Variants in APOD observed in about 807,000 individuals in gnomAD.
APOD encodes the protein apo-D.
In APOD, 22 loss-of-function variants were observed where a neutral mutation model predicts 20.4. The observed-to-expected ratio is 1.08, with a 90% CI of 0.77 to 1.54. The LOEUF (loss-of-function observed/expected upper bound fraction) is 1.54, where lower values mean the gene tolerates loss of function less well. Ranked by LOEUF, APOD falls within the 40% of genes most tolerant of loss-of-function variation. The pLI is 0.00. For missense variants in APOD, 223 were observed against 229.6 expected, an observed-to-expected ratio of 0.97 and a Z score of 0.19; for synonymous variants, 97 against 92.4, an observed-to-expected ratio of 1.05 and a Z score of -0.29.
intron 1 of APOD, chr3:195,583,203 C>G (rs1057043999): frequency 5.9e-5 from 9 of 152,192 alleles, no homozygotes; most frequent in Non-Finnish European, 8.8e-5. Flanking sequence ...TCCTGGTAAA[C>G]TACGAAGCCA....
intron 2 of APOD, among the ~76,000 whole-genome samples, chr3:195,574,658 A>C (rs1384155542): frequency 6.6e-6 from 1 of 152,216 alleles, no homozygotes; most frequent in Admixed American, 6.5e-5. Context: ...TTGGCCCAGC[A>C]ATTTCACTTC....
chr3:195,572,167 T>C (rs1048071786), intron 3 of APOD, among the ~76,000 whole-genome samples: 1 of 152,166 alleles, frequency 6.6e-6, no homozygotes, highest in Non-Finnish European at 1.5e-5. Flanking sequence ...CAAGGAGACA[T>C]AAAAGCGTTC....
At chr3:195,574,027 C>G in intron 2 of APOD, 56 bp from the exon 3 acceptor site, 1 of 1,601,326 alleles carries the variant, frequency 6.2e-7, no homozygotes. Flanking sequence ...CCTGCAACTT[C>G]TTCCCCATTG....
chr3:195,579,580 T>G (rs2108970925), intron 1 of APOD, 85 bp from the exon 2 acceptor site: 3 of 1,433,568 alleles, frequency 2.1e-6, no homozygotes, highest in Non-Finnish European at 2.8e-6. Context: ...GTGCCCATGG[T>G]CCCCTCTGTG....
chr3:195,574,043 C>T, intron 2 of APOD, 72 bp from the exon 3 acceptor site: 1 of 1,583,476 alleles, frequency 6.3e-7, no homozygotes, highest in Non-Finnish European at 8.6e-7. Flanking sequence ...CATTGTCGTG[C>T]AGACGCAGAG....
intron 2 of APOD, among the ~76,000 whole-genome samples, chr3:195,578,705 C>A (rs112960330): frequency 5.3e-5 from 8 of 152,200 alleles, no homozygotes; most frequent in South Asian, 2.1e-4. Flanking sequence ...GTTTGAGTGA[C>A]CTTTGGGTGC....
chr3:195,571,830 A>G (rs1200265243), intron 3 of APOD, among the ~76,000 whole-genome samples: 3 of 151,046 alleles, frequency 2.0e-5, no homozygotes, highest in Non-Finnish European at 4.4e-5. Context: ...CCCAGGCTGG[A>G]GTGCAGTGGT....
intron 1 of APOD, among the ~76,000 whole-genome samples, chr3:195,580,601 C>T (rs536342629): frequency 3.9e-4 from 60 of 152,250 alleles, no homozygotes; most frequent in African/African-American, 1.2e-3. Flanking sequence ...GACAGGGTTT[C>T]ACCATGTTGG....
chr3:195,581,568 C>A (rs7622785), intron 1 of APOD, among the ~76,000 whole-genome samples: 34,906 of 151,984 alleles, frequency 0.23, 4,190 homozygotes, highest in Non-Finnish European at 0.27. Flanking sequence ...GATGGGGAAG[C>A]TGGGGCCTGG....
intron 2 of APOD, among the ~76,000 whole-genome samples, chr3:195,576,264 A>G (rs1380105543): frequency 1.3e-5 from 2 of 152,242 alleles, no homozygotes; most frequent in Non-Finnish European, 1.5e-5. Flanking sequence ...CCAAGGAAGC[A>G]TGATTTTTCA....
rs142189206 is a variant in APOD, at chr3:195,568,837, G to GGCGGT, written c.*62_*63insACCGC. On this transcript the variant is annotated 3_prime_UTR_variant, in exon 5 of 5. Transcript: ENST00000343267. ...GTTGATTGGTTTGTCTTTATGGGGG[G>GGCGGT]GGGGTAGGGGAAAGCGAAGCAGAAG... The GGCGGT allele has an allele frequency of 1.1e-5, 11 of 982,922 alleles. No individual in the cohort carries two copies. The highest frequency in any genetic ancestry group is 2.6e-5 in the East Asian group (1 of 38,560). 60.9% of individuals were successfully genotyped at this position (982,922 alleles called of 1,614,324 possible).
At chr3:195,579,218 A>G (rs948106178) in intron 2 of APOD, 121 bp downstream of exon 2, 164 of 1,476,614 alleles carry the variant, frequency 1.1e-4, no homozygotes, top group Non-Finnish European at 1.4e-4. Flanking sequence ...GAAACCCCAA[A>G]TAAGATAAAT....
In APOD at chr3:195,580,398, TTTTTG is replaced by T. The variant is rs372834371; in HGVS notation, c.-34-908_-34-904del. ...TTTTTTTTTGACATTCTGTTGAGGG[TTTTTG>T]TTTTGTTTTGTTTTGTTTTGAGATG... On this transcript the variant is annotated intron_variant, in intron 1 of 4. Coordinates refer to ENST00000343267, the MANE Select transcript of APOD (RefSeq NM_001647.4). Among the ~76,000 whole-genome samples the T allele has an allele frequency of 4.5e-3, 628 of 140,782 alleles. 7 individuals are homozygous for T. Among genetic ancestry groups the T allele is most frequent in the African/African-American group, 0.016 (600 of 37,196 alleles). 92.4% of individuals were successfully genotyped at this position (140,782 alleles called of 152,430 possible). A position where few individuals can be genotyped will look rare whatever the true frequency, so the allele number is the denominator to read the frequency against.
rs1553889309 is a variant in APOD at position 195,568,837 on chromosome 3, G to GTGGT, written c.*62_*63insACCA. 6 of 982,920 alleles carry GTGGT rather than the reference G, an allele frequency of 6.1e-6. No homozygotes were observed. The highest frequency in any genetic ancestry group is 5.7e-5 in the African/African-American group (3 of 52,522). 60.9% of individuals were successfully genotyped at this position (982,920 alleles called of 1,614,324 possible). ...GTTGATTGGTTTGTCTTTATGGGGG[G>GTGGT]GGGGTAGGGGAAAGCGAAGCAGAAG... On this transcript the variant is annotated 3_prime_UTR_variant, in exon 5 of 5. Transcript: ENST00000343267.
chr3:195,575,782 C>T (rs1720237856), intron 2 of APOD, among the ~76,000 whole-genome samples: 1 of 152,078 alleles, frequency 6.6e-6, no homozygotes, highest in Non-Finnish European at 1.5e-5. Context: ...CACGTGCCAC[C>T]ATGCCCGGCT....
chr3:195,582,584 T>C (rs1720358571), intron 1 of APOD: 2 of 151,856 alleles, frequency 1.3e-5, no homozygotes. Flanking sequence ...CTACTAAAAA[T>C]ACAAAAAATT....
At chr3:195,583,449 A>G (rs1168201570) in intron 1 of APOD, among the ~76,000 whole-genome samples, 5 of 152,254 alleles carry the variant, frequency 3.3e-5, no homozygotes, top group African/African-American at 4.8e-5. Flanking sequence ...ACAATATTTT[A>G]TGCCATATTG....
chr3:195,578,163 G>A (rs1487880071), intron 2 of APOD, among the ~76,000 whole-genome samples: 1 of 151,906 alleles, frequency 6.6e-6, no homozygotes, highest in African/African-American at 2.4e-5. Context: ...AAGTGCTTTG[G>A]GATTTGTATC....
intron 1 of APOD, among the ~76,000 whole-genome samples, chr3:195,580,927 T>C (rs774782080): frequency 6.6e-6 from 1 of 152,200 alleles, no homozygotes; most frequent in Non-Finnish European, 1.5e-5. Context: ...GTCAATTTGC[T>C]CCTTTCCTTG....
Sources: allele counts gnomAD v4.1 joint callset (sites outside exome capture counted in the v4.1 genomes callset), GRCh38; gene constraint gnomAD v4.1.1; transcripts MANE v1.5; gene names NCBI Gene and HGNC (gene_info 2026-07-23, HGNC 2026-07-21).